GARIN1A: variants seen among roughly 807,000 people sequenced by gnomAD.
The protein encoded by GARIN1A is golgi associated RAB2 interactor 1A.
chr7:128,672,053 G>A, the GARIN1A span, among the ~76,000 whole-genome samples: 10 of 152,144 alleles, frequency 6.6e-5, no homozygotes, highest in East Asian at 1.9e-4. Context: ...CATAACTTTG[G>A]GAGGGTCATT....
At chr7:128,683,635 G>C in the GARIN1A span, 1 of 151,906 alleles carries the variant, frequency 6.6e-6, no homozygotes, top group Non-Finnish European at 1.5e-5. Context: ...ACCTGGCTAA[G>C]TTTTTATATT....
At chr7:128,696,593 T>C in the GARIN1A span, among the ~76,000 whole-genome samples, 1 of 152,126 alleles carries the variant, frequency 6.6e-6, no homozygotes, top group Admixed American at 6.5e-5. Flanking sequence ...TCTGGGAGGC[T>C]GAGGCAGGAG....
chr7:128,680,675 T>C, the GARIN1A span, among the ~76,000 whole-genome samples: 1 of 151,826 alleles, frequency 6.6e-6, no homozygotes, highest in Non-Finnish European at 1.5e-5. Flanking sequence ...AGCGATTCTC[T>C]TGCCTCAGCC....
the GARIN1A span, among the ~76,000 whole-genome samples, chr7:128,702,997 A>G: frequency 6.6e-6 from 1 of 152,360 alleles, no homozygotes; most frequent in African/African-American, 2.4e-5. Context: ...AAAAGATAAA[A>G]TAGTTTTGAA....
At chr7:128,674,769 G>C in the GARIN1A span, among the ~76,000 whole-genome samples, 2 of 152,082 alleles carry the variant, frequency 1.3e-5, no homozygotes, top group Non-Finnish European at 2.9e-5. Flanking sequence ...GTTCCACCAA[G>C]GACTGGGCAA....
chr7:128,694,951 C>T, the GARIN1A span, among the ~76,000 whole-genome samples: 1 of 152,140 alleles, frequency 6.6e-6, no homozygotes, highest in African/African-American at 2.4e-5. Flanking sequence ...TTCCTAGTTC[C>T]GTTGGTCTTT....
the GARIN1A span, among the ~76,000 whole-genome samples, chr7:128,680,563 TC>T: frequency 1.6e-4 from 19 of 116,696 alleles, no homozygotes; most frequent in African/African-American, 4.4e-4. Context: ...TTTCTTTCTT[TC>T]TTTTTATTTT....
the GARIN1A span, among the ~76,000 whole-genome samples, chr7:128,708,054 C>G: frequency 6.6e-6 from 1 of 151,312 alleles, no homozygotes; most frequent in African/African-American, 2.4e-5. Context: ...ATCTCTGTGG[C>G]CTAGGCAAGA....
At chr7:128,691,449 G>A in the GARIN1A span, 2 of 152,178 alleles carry the variant, frequency 1.3e-5, no homozygotes, top group African/African-American at 2.4e-5. Flanking sequence ...ATTTGAACCA[G>A]AGCAACTCCA....
the GARIN1A span, among the ~76,000 whole-genome samples, chr7:128,674,634 A>G: frequency 2.0e-5 from 3 of 152,216 alleles, no homozygotes; most frequent in Non-Finnish European, 2.9e-5. Flanking sequence ...TCATTCCTCA[A>G]CAAGGGCTCC....
the GARIN1A span, chr7:128,684,011 C>A: frequency 6.6e-6 from 1 of 151,910 alleles, no homozygotes; most frequent in Admixed American, 6.6e-5. Flanking sequence ...GAAATCCACC[C>A]CCATGATCCA....
At chr7:128,706,440 CACAG>C in the GARIN1A span, among the ~76,000 whole-genome samples, 1 of 152,254 alleles carries the variant, frequency 6.6e-6, no homozygotes, top group Non-Finnish European at 1.5e-5. Context: ...TCCATATATG[CACAG>C]ACATTTTTAT....
the GARIN1A span, chr7:128,677,708 G>A: frequency 3.1e-6 from 5 of 1,613,750 alleles, no homozygotes; most frequent in South Asian, 5.5e-5. Context: ...GGGTCCGCTT[G>A]GTGAAAATTC....
At chr7:128,690,971 G>C in the GARIN1A span, 1 of 152,166 alleles carries the variant, frequency 6.6e-6, no homozygotes, top group African/African-American at 2.4e-5. Context: ...TTATGGCAAA[G>C]TTTAGGGGTG....
the GARIN1A span, among the ~76,000 whole-genome samples, chr7:128,695,432 G>A: frequency 3.3e-5 from 5 of 152,208 alleles, no homozygotes; most frequent in Non-Finnish European, 7.3e-5. The surrounding 1 kb of genome is among the most constrained non-coding windows in gnomAD (Gnocchi z 4.5). Context: ...TCCCCGGAAT[G>A]GGGTCTCCCT....
chr7:128,691,293 C>A, the GARIN1A span: 3 of 152,198 alleles, frequency 2.0e-5, no homozygotes, highest in African/African-American at 7.2e-5. Context: ...TCTAAGAGCT[C>A]ATCACGTCTG....
chr7:128,689,526 C>T, the GARIN1A span, among the ~76,000 whole-genome samples: 5 of 150,914 alleles, frequency 3.3e-5, no homozygotes, highest in Non-Finnish European at 7.4e-5. Flanking sequence ...GCAGCCGCCC[C>T]GTCTGAGAAG....
the GARIN1A span, chr7:128,677,664 C>T: frequency 6.2e-7 from 1 of 1,613,754 alleles, no homozygotes. Flanking sequence ...TCTGAAGCTC[C>T]ACGAAAAACA....
At chr7:128,705,359 T>C in the GARIN1A span, among the ~76,000 whole-genome samples, 5 of 152,170 alleles carry the variant, frequency 3.3e-5, no homozygotes, top group African/African-American at 1.2e-4. Flanking sequence ...TGTCTGGTGT[T>C]TCATCATGGT....
Sources: gnomAD v4.1 joint callset for allele counts (sites outside exome capture counted in the v4.1 genomes callset) on GRCh38, gnomAD v4.1.1 for gene constraint, Gnocchi (gnomAD v3.1) non-coding constraint, MANE v1.5 for transcripts, NCBI Gene and HGNC (gene_info 2026-07-23, HGNC 2026-07-21) for gene names.